The following ARFGEF2 variants were observed in gnomAD, a reference collection of about 807,000 sequenced individuals.
ARFGEF2 encodes the protein ARF guanine nucleotide exchange factor 2.
A neutral mutation model predicts 219.9 loss-of-function variants in ARFGEF2; 74 were observed. The observed-to-expected ratio is 0.34, with a 90% CI of 0.28 to 0.41. The LOEUF (loss-of-function observed/expected upper bound fraction) is 0.41. Ranked by LOEUF, ARFGEF2 falls within the 10% of genes least tolerant of loss-of-function variation. The pLI is 1.00. For missense variants in ARFGEF2, 1,743 were observed against 2,218.3 expected (o/e 0.79, Z 4.30); for synonymous variants, 733 against 799.2 (o/e 0.92, Z 1.40).
intron 37 of ARFGEF2, among the ~76,000 whole-genome samples, chr20:49,030,042 G>T (rs1245485148): frequency 6.6e-6 from 1 of 151,566 alleles, no homozygotes; most frequent in African/African-American, 2.4e-5. Flanking sequence ...CGAGTAGCTG[G>T]GACTACAGGC....
chr20:48,933,646 G>GC (rs1427278599), intron 1 of ARFGEF2, among the ~76,000 whole-genome samples: 1 of 152,114 alleles, frequency 6.6e-6, no homozygotes, highest in Non-Finnish European at 1.5e-5. Context: ...TAAAATAAGA[G>GC]CAAGAGAACT....
chr20:49,030,617 G>GAATT (rs527268824), intron 37 of ARFGEF2, among the ~76,000 whole-genome samples: 29 of 152,022 alleles, frequency 1.9e-4, no homozygotes, highest in Admixed American at 1.9e-3. Context: ...AGTGAAAAAA[G>GAATT]AATTAATTAA....
chr20:49,009,084 C>CA (rs984020559), intron 26 of ARFGEF2, among the ~76,000 whole-genome samples: 4 of 151,782 alleles, frequency 2.6e-5, no homozygotes, highest in Admixed American at 6.6e-5. Flanking sequence ...AACAATCAGG[C>CA]AAAAAAACAT....
At chr20:48,941,831 T>G (rs1307038805) in intron 2 of ARFGEF2, 33 bp from the exon 3 acceptor site, 2 of 1,614,068 alleles carry the variant, frequency 1.2e-6, no homozygotes, top group Non-Finnish European at 1.7e-6. Context: ...AAAATTCATT[T>G]CTTCTCCCGA....
chr20:48,997,607 C>T (rs181600223), intron 23 of ARFGEF2, among the ~76,000 whole-genome samples: 58 of 152,248 alleles, frequency 3.8e-4, no homozygotes, highest in African/African-American at 1.4e-3. Flanking sequence ...TTCTCTTCTG[C>T]TCACTATAGG....
At chr20:48,994,723 A>T in intron 22 of ARFGEF2, 125 bp downstream of exon 22, 1 of 1,400,592 alleles carries the variant, frequency 7.1e-7, no homozygotes. Context: ...GACAGTGTTC[A>T]TGAATGCAAG....
At chr20:49,004,795 A>AAATAAT (rs774678562) in intron 25 of ARFGEF2, among the ~76,000 whole-genome samples, 1 of 152,002 alleles carries the variant, frequency 6.6e-6, no homozygotes, top group Non-Finnish European at 1.5e-5. Flanking sequence ...CCATCTTAGA[A>AAATAAT]AATAATAATA....
At chr20:48,996,741 TAAAA>T (rs57732705) in intron 23 of ARFGEF2, among the ~76,000 whole-genome samples, 35 of 107,898 alleles carry the variant, frequency 3.2e-4, no homozygotes, top group East Asian at 4.7e-4. Context: ...AGACTCCGTC[TAAAA>T]AAAAAAAAAA....
chr20:49,023,561 C>T (rs565370204), intron 35 of ARFGEF2, among the ~76,000 whole-genome samples: 12 of 145,122 alleles, frequency 8.3e-5, no homozygotes, highest in African/African-American at 2.5e-4. Context: ...TTTTTTGAGA[C>T]GGAGTCTCGC....
At chr20:48,996,095 G>A (rs1330240667) in intron 23 of ARFGEF2, among the ~76,000 whole-genome samples, 12 of 152,074 alleles carry the variant, frequency 7.9e-5, no homozygotes, top group Non-Finnish European at 1.8e-4. Context: ...AGAGTTTTTC[G>A]CTTATGTTGA....
intron 1 of ARFGEF2, among the ~76,000 whole-genome samples, chr20:48,936,353 C>T (rs1438978428): frequency 6.6e-6 from 1 of 150,652 alleles, no homozygotes; most frequent in African/African-American, 2.4e-5. Flanking sequence ...GGGGGCTGAC[C>T]CCCCCACCTC....
chr20:48,941,719 A>T, intron 2 of ARFGEF2, 145 bp from the exon 3 acceptor site: 1 of 1,169,384 alleles, frequency 8.6e-7, no homozygotes, highest in Non-Finnish European at 1.3e-6. Flanking sequence ...TGTTTTTGCT[A>T]ATGCATGTAT....
chr20:49,007,592 CTTTTTTTTTTT>C (rs752508908), intron 26 of ARFGEF2, among the ~76,000 whole-genome samples: 3 of 97,844 alleles, frequency 3.1e-5, no homozygotes, highest in East Asian at 3.3e-4. Flanking sequence ...CCTGGTGTTG[CTTTTTTTTTTT>C]TTTTTTTTTT....
rs1175013194 is a variant in ARFGEF2, at chr20:48,980,390, C to T, written c.1958+4191C>T. ...GTTCTTTTGCATTTGCTGAGGAGTG[C>T]TTTACTTCCAACTATGTGGTCAATT... On this transcript the variant is annotated intron_variant, in intron 14 of 38. Transcript: ENST00000371917. Among the ~76,000 whole-genome samples, 23 of 152,304 alleles carry T rather than the reference C, an allele frequency of 1.5e-4. 1 individual carries two copies. The highest frequency in any genetic ancestry group is 1.4e-3 in the Admixed American group (22 of 15,286).
At chr20:48,979,583 C>T (rs1269365053) in intron 14 of ARFGEF2, among the ~76,000 whole-genome samples, 1 of 152,070 alleles carries the variant, frequency 6.6e-6, no homozygotes, top group African/African-American at 2.4e-5. Context: ...TGATAGGATT[C>T]GACTTTGAAT....
chr20:48,989,548 C>T lies in ARFGEF2; in HGVS notation c.2686-8C>T. ...CTGGATGTTATTGAAATCTTCCTTC[C>T]ATGATAGCTGGTGTGGACGCCACTA... On this transcript the variant is annotated splice_polypyrimidine_tract_variant and splice_region_variant and intron_variant, in intron 19 of 38. Transcript: ENST00000371917. 6.2e-7 allele frequency: 1 copy of T among 1,614,208 alleles called. No homozygotes were observed. The highest frequency in any genetic ancestry group is 1.1e-5 in the South Asian group (1 of 91,080).
intron 3 of ARFGEF2, among the ~76,000 whole-genome samples, chr20:48,944,947 G>T (rs911905115): frequency 6.6e-6 from 1 of 152,156 alleles, no homozygotes; most frequent in South Asian, 2.1e-4. Context: ...TCAACAACAG[G>T]CATTTATTTC....
intron 35 of ARFGEF2, 87 bp downstream of exon 35, chr20:49,023,268 G>C (rs1231754176): frequency 1.2e-5 from 19 of 1,534,448 alleles, no homozygotes; most frequent in Middle Eastern, 2.1e-4. Flanking sequence ...GCTTGTACTG[G>C]CTTTCCAGAG....
intron 1 of ARFGEF2, among the ~76,000 whole-genome samples, chr20:48,924,971 A>C (rs893653921): frequency 1.3e-5 from 2 of 152,192 alleles, no homozygotes; most frequent in Non-Finnish European, 2.9e-5. Flanking sequence ...GCTGTGACAA[A>C]CCACAGCAGC....
Sources: gnomAD v4.1 joint callset for allele counts (sites outside exome capture counted in the v4.1 genomes callset) on GRCh38, gnomAD v4.1.1 for gene constraint, MANE v1.5 for transcripts, NCBI Gene and HGNC (gene_info 2026-07-23, HGNC 2026-07-21) for gene names.